VPS53: variants seen among roughly 807,000 people sequenced by gnomAD.
VPS53 encodes vacuolar protein sorting-associated protein 53 homolog.
Under a neutral mutation model 107.0 loss-of-function variants are expected in VPS53, and 70 were observed. The observed-to-expected ratio is 0.65, with a 90% CI of 0.54 to 0.80. The LOEUF is 0.80. Among genes scored for constraint, VPS53 ranks in the 30% least tolerant of loss-of-function variants. The pLI is 0.00. For synonymous variants in VPS53, 409 were observed against 393.3 expected (o/e 1.04, Z -0.47); for missense variants, 917 against 1,049.4 (o/e 0.87, Z 1.74).
At chr17:575,895 C>T (rs773213679) in intron 13 of VPS53, among the ~76,000 whole-genome samples, 23 of 145,504 alleles carry the variant, frequency 1.6e-4, no homozygotes, top group Non-Finnish European at 2.1e-4. Flanking sequence ...GCATTCGCAG[C>T]GAACCTCCCT....
intron 11 of VPS53, among the ~76,000 whole-genome samples, chr17:620,600 A>AACGC (rs1969428001): frequency 6.6e-6 from 1 of 152,112 alleles, no homozygotes; most frequent in Admixed American, 6.6e-5. Context: ...ACTGCAGGTA[A>AACGC]ACGCACCTAA....
Position 628,198 on chromosome 17 carries a change from C to A in VPS53, c.721G>T (p.Ala241Ser). The change falls in exon 9 of 22, where the codon GCA becomes TCA. Residue 241 changes from alanine to serine, a missense_variant. Ala to Ser is a moderately conservative substitution (Grantham distance 99). Coordinates refer to ENST00000437048, the MANE Select transcript of VPS53 (RefSeq NM_001128159.3). ...PGGPSNVLRDACLVANILDPR... is the reference protein window; with the variant it reads ...PGGPSNVLRDSCLVANILDPR... ...TCTAGAATATTAGCAACCAGACATG[C>A]ATCTCGTAGAACATTGCTGGGTCCT... The A allele has an allele frequency of 6.2e-7, 1 of 1,614,012 alleles. No homozygotes were observed. The highest frequency in any genetic ancestry group is 8.5e-7 in the Non-Finnish European group (1 of 1,179,994).
At chr17:561,830 A>G (rs1011300617) in intron 14 of VPS53, among the ~76,000 whole-genome samples, 3 of 152,114 alleles carry the variant, frequency 2.0e-5, no homozygotes, top group African/African-American at 7.2e-5. Context: ...GGGTTTCACC[A>G]TATTAGCCAG....
intron 11 of VPS53, among the ~76,000 whole-genome samples, chr17:604,572 T>G (rs1003343003): frequency 9.9e-5 from 15 of 152,186 alleles, no homozygotes; most frequent in Admixed American, 9.8e-4. Flanking sequence ...GCCTCCTGAG[T>G]AGCTGGGACT....
rs1191774225 is a variant in VPS53, at chr17:586,359, C to T, written c.1224G>A (p.Lys408=). ...ATEKGDLDQP[K]KPKAPDNPFH... ...ATGGATTGTCTGGGGCTTTAGGCTT[C>T]TTTGGCTGTAAAAACAAAGAAAAAT... The change falls in exon 13 of 22, where the codon AAG becomes AAA. Residue 408 remains lysine, a synonymous_variant. Transcript: ENST00000437048. 3.1e-6 allele frequency: 5 copies of T among 1,613,998 alleles called. No homozygotes were observed. Among genetic ancestry groups the T allele is most frequent in the Non-Finnish European group, 4.2e-6 (5 of 1,179,914 alleles).
intron 11 of VPS53, among the ~76,000 whole-genome samples, chr17:605,975 T>C (rs1307457538): frequency 1.3e-5 from 2 of 152,046 alleles, no homozygotes; most frequent in Non-Finnish European, 2.9e-5. Flanking sequence ...TGTAGGGGAA[T>C]GGATTATAAT....
intron 11 of VPS53, among the ~76,000 whole-genome samples, chr17:605,740 G>A (rs991858362): frequency 1.3e-5 from 2 of 148,696 alleles, no homozygotes. Context: ...ACGAAGATGG[G>A]GGCCTGGGGT....
chr17:698,148 G>A (rs752043160), intron 3 of VPS53, among the ~76,000 whole-genome samples: 3 of 152,114 alleles, frequency 2.0e-5, no homozygotes, highest in Non-Finnish European at 2.9e-5. Context: ...AAAGCTAGTC[G>A]AAGGACAGAC....
chr17:521,657 C>A lies in VPS53; in HGVS notation c.2167G>T (p.Ala723Ser), dbSNP rs753842899. 12 of 1,550,944 alleles carry A rather than the reference C, an allele frequency of 7.7e-6. No homozygotes were observed. Among genetic ancestry groups the A allele is most frequent in the Non-Finnish European group, 1.0e-5 (12 of 1,146,452 alleles). ...ISSQVVRKAPASYTKIVVKGM... is the reference protein window; with the variant it reads ...ISSQVVRKAPSSYTKIVVKGM... The stretch of plus-strand genomic sequence containing the variant: ...TTGACAACGATCTTGGTGTAGCTGG[C>A]GGGTGCCTTCCTCACCACCTGCGAG... Residue 723 changes from alanine (A) to serine (S), a missense_variant, in exon 20 of 22, where the codon GCC becomes TCC. Coordinates refer to ENST00000437048, the MANE Select transcript of VPS53 (RefSeq NM_001128159.3).
At chr17:688,218 G>A (rs759985752) in intron 4 of VPS53, among the ~76,000 whole-genome samples, 2 of 152,112 alleles carry the variant, frequency 1.3e-5, no homozygotes, top group African/African-American at 2.4e-5. Context: ...ACTGAACCAC[G>A]GGGTGGTTTC....
At chr17:642,207 A>G (rs1309855071) in intron 7 of VPS53, among the ~76,000 whole-genome samples, 1 of 152,234 alleles carries the variant, frequency 6.6e-6, no homozygotes, top group Non-Finnish European at 1.5e-5. Flanking sequence ...TACAGTTCCA[A>G]ACAGACACCA....
intron 13 of VPS53, among the ~76,000 whole-genome samples, chr17:563,170 C>T (rs899914583): frequency 6.6e-6 from 1 of 152,040 alleles, no homozygotes; most frequent in Non-Finnish European, 1.5e-5. Flanking sequence ...CATATTAGTA[C>T]TGTTTACCCC....
chr17:589,350 A>G (rs905788241), intron 12 of VPS53, among the ~76,000 whole-genome samples: 61 of 152,042 alleles, frequency 4.0e-4, no homozygotes, highest in African/African-American at 1.4e-3. Flanking sequence ...AAGCCTATAT[A>G]TTATAGATTA....
At chr17:634,109 A>C (rs1249391291) in intron 7 of VPS53, among the ~76,000 whole-genome samples, 5 of 152,160 alleles carry the variant, frequency 3.3e-5, no homozygotes. Context: ...TCTCAATGAC[A>C]CTGGTGGGCC....
At chr17:530,136 T>TTATA (rs1909426282) in intron 19 of VPS53, among the ~76,000 whole-genome samples, 1 of 150,458 alleles carries the variant, frequency 6.6e-6, no homozygotes, top group Non-Finnish European at 1.5e-5. Flanking sequence ...CTTGCTAAAT[T>TTATA]TATATTCTTT....
At chr17:535,436 T>G (rs928048585) in intron 18 of VPS53, among the ~76,000 whole-genome samples, 22 of 135,346 alleles carry the variant, frequency 1.6e-4, no homozygotes, top group African/African-American at 5.5e-4. Context: ...TAATGTAAGC[T>G]CAATCATATG....
chr17:522,462 G>C (rs1352690110), intron 19 of VPS53, among the ~76,000 whole-genome samples: 1 of 152,144 alleles, frequency 6.6e-6, no homozygotes, highest in Non-Finnish European at 1.5e-5. Context: ...AAGAAGAATC[G>C]TGATTTAATG....
intron 5 of VPS53, chr17:657,182 CT>C: frequency 6.5e-7 from 1 of 1,528,738 alleles, no homozygotes; most frequent in Non-Finnish European, 9.0e-7. Flanking sequence ...TGAGGGATTC[CT>C]TTTGTGCCCA....
chr17:548,815 A>T (rs1911538833), intron 17 of VPS53, among the ~76,000 whole-genome samples: 1 of 152,176 alleles, frequency 6.6e-6, no homozygotes, highest in South Asian at 2.1e-4. Context: ...AGCTTCCCTA[A>T]CCTCTCTTTA....
Sources: allele counts gnomAD v4.1 joint callset (sites outside exome capture counted in the v4.1 genomes callset), GRCh38; gene constraint gnomAD v4.1.1; transcripts MANE v1.5; gene names NCBI Gene and HGNC (gene_info 2026-07-23, HGNC 2026-07-21).